The following SRGAP2B variants were observed in gnomAD, a reference collection of about 807,000 sequenced individuals.
SRGAP2B encodes SLIT-ROBO Rho GTPase-activating protein 2B.
In SRGAP2B, 9 loss-of-function variants were observed where a neutral mutation model predicts 22.2. That is an observed-to-expected ratio of 0.41 (90% CI 0.24 to 0.71). The LOEUF (loss-of-function observed/expected upper bound fraction) is 0.71, where lower values mean the gene tolerates loss of function less well. Ranked by LOEUF, SRGAP2B falls within the 30% of genes least tolerant of loss-of-function variation. SRGAP2B has a pLI of 0.35. For missense variants in SRGAP2B, 114 were observed against 235.8 expected (o/e 0.48, Z 3.38); for synonymous variants, 36 against 87.4 (o/e 0.41, Z 3.28).
At chr1:144,966,602 G>C (rs1668101762) in intron 3 of SRGAP2B, among the ~76,000 whole-genome samples, 1 of 146,398 alleles carries the variant, frequency 6.8e-6, no homozygotes. Flanking sequence ...AAAATAGCCA[G>C]CTAACATCAT....
At chr1:144,965,491 C>T (rs1553612066) in intron 3 of SRGAP2B, among the ~76,000 whole-genome samples, 1 of 145,540 alleles carries the variant, frequency 6.9e-6, no homozygotes, top group African/African-American at 2.8e-5. Context: ...CCCATCTGTA[C>T]ATCACCATCA....
intron 4 of SRGAP2B, among the ~76,000 whole-genome samples, chr1:144,923,575 A>G (rs1431499775): frequency 6.9e-6 from 1 of 143,912 alleles, no homozygotes; most frequent in Non-Finnish European, 1.5e-5. Flanking sequence ...TAAGGAGGAA[A>G]AACAATCAAT....
chr1:144,939,277 A>G (rs1665853867), intron 4 of SRGAP2B, among the ~76,000 whole-genome samples: 1 of 147,270 alleles, frequency 6.8e-6, no homozygotes, highest in Admixed American at 6.7e-5. Context: ...ATCAGATAAT[A>G]TGGAAATCTT....
intron 4 of SRGAP2B, among the ~76,000 whole-genome samples, chr1:144,953,191 G>A (rs1244245138): frequency 1.4e-5 from 2 of 142,320 alleles, no homozygotes; most frequent in Non-Finnish European, 1.5e-5. Context: ...AATATTGAAA[G>A]AAACCAAACA....
intron 3 of SRGAP2B, 37 bp from the exon 4 acceptor site, chr1:144,955,638 A>T (rs1553610171): frequency 7.6e-6 from 5 of 660,698 alleles, no homozygotes; most frequent in Non-Finnish European, 1.3e-5. Context: ...GTCATTGTTG[A>T]TACGCAGCCA....
In SRGAP2B at chr1:144,954,825, A is replaced by G. The variant is rs587665176; in HGVS notation, c.423+614T>C. ...AATTGAGTTCCGAAAGCATTCAGAG[A>G]CCCAAAGACAAAGACATACCACGAT... On this transcript the variant is annotated intron_variant, in intron 4 of 9. Coordinates refer to ENST00000612199, the Ensembl canonical transcript of SRGAP2B. 1.9e-3 allele frequency among the ~76,000 whole-genome samples: 292 copies of G among 150,220 alleles called. 19 individuals carry two copies. The highest frequency in any genetic ancestry group is 7.0e-3 in the African/African-American group (279 of 39,988).
intron 6 of SRGAP2B, 147 bp downstream of exon 6, chr1:144,905,712 G>C: frequency 1.5e-6 from 1 of 649,750 alleles, no homozygotes; most frequent in Non-Finnish European, 2.8e-6. Flanking sequence ...CCAGGGCACA[G>C]AGCAAGGCCT....
intron 4 of SRGAP2B, among the ~76,000 whole-genome samples, chr1:144,931,744 G>A (rs1431925719): frequency 6.8e-6 from 1 of 146,650 alleles, no homozygotes; most frequent in African/African-American, 2.6e-5. Flanking sequence ...ATGGAACTCA[G>A]CCAAGGGGTT....
intron 3 of SRGAP2B, among the ~76,000 whole-genome samples, chr1:144,956,439 CTTTTTTTTTTT>C (rs3069132): frequency 5.2e-5 from 5 of 95,384 alleles, no homozygotes; most frequent in African/African-American, 2.3e-4. Flanking sequence ...TGCTCATTCC[CTTTTTTTTTTT>C]TTTTTTTTTT....
At chr1:144,970,267 A>G (rs1668403275) in intron 3 of SRGAP2B, among the ~76,000 whole-genome samples, 1 of 113,500 alleles carries the variant, frequency 8.8e-6, no homozygotes, top group Non-Finnish European at 1.8e-5. Flanking sequence ...ACAATGATAG[A>G]CTGGATTAAG....
chr1:144,941,389 C>A (rs1666030128), intron 4 of SRGAP2B, among the ~76,000 whole-genome samples: 1 of 127,232 alleles, frequency 7.9e-6, no homozygotes, highest in Non-Finnish European at 1.6e-5. Flanking sequence ...GTCTTTTAAA[C>A]AATTAGTGCA....
chr1:144,941,119 C>A (rs1209822070), intron 4 of SRGAP2B, among the ~76,000 whole-genome samples: 2 of 144,458 alleles, frequency 1.4e-5, no homozygotes, highest in Admixed American at 1.4e-4. Context: ...TTGAAAAAAA[C>A]ACGTTACTAC....
In SRGAP2B at chr1:145,044,277, G is replaced by A. The variant is rs587709672; in HGVS notation, c.67+48558C>T. Among the ~76,000 whole-genome samples, 20 of 128,766 alleles carry A rather than the reference G, an allele frequency of 1.6e-4. No individual in the cohort carries two copies. The East Asian group carries it at 4.1e-3, about 27-fold the overall frequency. The allele number at this position is 128,766 out of a possible 152,430, so 84.5% of individuals were successfully genotyped here. A position where few individuals can be genotyped will look rare whatever the true frequency, so the allele number is the denominator to read the frequency against. ...AACAGGATCACGTCAAAAGGCCATG[G>A]GAGTCAACTTGAAGAGATACTTATT... is the stretch of plus-strand genomic sequence containing the variant. On this transcript the variant is annotated intron_variant, in intron 2 of 9. Transcript: ENST00000612199.
At chr1:145,058,183 T>A (rs1250422487) in intron 2 of SRGAP2B, among the ~76,000 whole-genome samples, 1 of 149,296 alleles carries the variant, frequency 6.7e-6, no homozygotes, top group Non-Finnish European at 1.5e-5. Flanking sequence ...GAGCCTTAGT[T>A]TCCTCACTTC....
intron 3 of SRGAP2B, among the ~76,000 whole-genome samples, chr1:144,984,332 AAACAACAAC>A (rs1202934958): frequency 4.1e-4 from 49 of 118,446 alleles, no homozygotes; most frequent in Non-Finnish European, 6.0e-4. Context: ...AAAAAAACCC[AAACAACAAC>A]AACAACAACA....
chr1:144,964,923 A>T (rs1667956271), intron 3 of SRGAP2B: 2 of 747,072 alleles, frequency 2.7e-6, no homozygotes, highest in African/African-American at 1.8e-5. Flanking sequence ...CTCTTAAAAA[A>T]TAAATAAATA....
chr1:144,955,071 C>A, intron 4 of SRGAP2B, among the ~76,000 whole-genome samples: 1 of 150,102 alleles, frequency 6.7e-6, no homozygotes. Flanking sequence ...AATTATAGTA[C>A]CAGCCCTGGG....
intron 3 of SRGAP2B, among the ~76,000 whole-genome samples, chr1:144,958,251 T>C (rs1224341721): frequency 2.0e-5 from 3 of 150,992 alleles, no homozygotes; most frequent in Non-Finnish European, 4.4e-5. Context: ...AGAGCACATA[T>C]CCCCAAGGTG....
Position 145,007,837 on chromosome 1 carries a change from C to T in SRGAP2B, c.68-12637G>A, listed in dbSNP as rs1163548730. On this transcript the variant is annotated intron_variant, in intron 2 of 9. Transcript: ENST00000612199. ...TTTTTTTTTTTTTGAGATGGAGTCT[C>T]GCTCTGTTGCCCAGGCTGGAGTGCA... Among the ~76,000 whole-genome samples the T allele has an allele frequency of 2.5e-3, 243 of 99,092 alleles. 3 individuals carry two copies. Among genetic ancestry groups the T allele is most frequent in the South Asian group, 0.024 (62 of 2,582 alleles). The allele number at this position is 99,092 out of a possible 152,430, so 65.0% of individuals were successfully genotyped here. A position where few individuals can be genotyped will look rare whatever the true frequency, so the allele number is the denominator to read the frequency against.
Sources: gnomAD v4.1 joint callset for allele counts (sites outside exome capture counted in the v4.1 genomes callset) on GRCh38, gnomAD v4.1.1 for gene constraint, MANE v1.5 for transcripts, NCBI Gene and HGNC (gene_info 2026-07-23, HGNC 2026-07-21) for gene names.